PACRGL: variants seen among roughly 807,000 people sequenced by gnomAD.
PACRGL encodes parkin coregulated like.
In PACRGL, 38 loss-of-function variants were observed where a neutral mutation model predicts 34.5. The observed-to-expected ratio is 1.10, with a 90% CI of 0.85 to 1.44. PACRGL has a LOEUF of 1.44. PACRGL is among the 40% of genes most tolerant of loss of function. PACRGL has a pLI of 0.00. For synonymous variants in PACRGL, 128 were observed against 100.1 expected, an observed-to-expected ratio of 1.28 and a Z score of -1.66; for missense variants, 305 against 281.4, an observed-to-expected ratio of 1.08 and a Z score of -0.60.
In PACRGL at chr4:20,728,193, A is replaced by AATTCTATTACAAGTATGTTGTTT. The variant is rs556178032; in HGVS notation, c.*856_*878dup. 149 of 152,234 alleles carry AATTCTATTACAAGTATGTTGTTT rather than the reference A, an allele frequency of 9.8e-4. No individual in the cohort carries two copies. Among genetic ancestry groups the AATTCTATTACAAGTATGTTGTTT allele is most frequent in the African/African-American group, 3.3e-3 (139 of 41,530 alleles). 9.4% of individuals were successfully genotyped at this position (152,234 alleles called of 1,614,324 possible). On this transcript the variant is annotated 3_prime_UTR_variant, in exon 9 of 9. Transcript: ENST00000503585. ...TTAAAAAATTTTTTCTAATTCTGTA[A>AATTCTATTACAAGTATGTTGTTT]ATTCTATTACAAGTATGTTGTTTAT... is the stretch of plus-strand genomic sequence containing the variant.
upstream of PACRGL, among the ~76,000 whole-genome samples, chr4:20,699,045 C>A (rs1731420681): frequency 6.6e-6 from 1 of 152,062 alleles, no homozygotes; most frequent in Non-Finnish European, 1.5e-5. Flanking sequence ...CATTCCTCTG[C>A]GATACTGAAT....
In PACRGL at chr4:20,704,641, A is replaced by G; in HGVS notation, c.53-19A>G. 5.6e-6 allele frequency: 9 copies of G among 1,613,870 alleles called. No homozygotes were observed. The highest frequency in any genetic ancestry group is 5.5e-5 in the South Asian group (5 of 91,066). On this transcript the variant is annotated intron_variant, in intron 2 of 8. Transcript: ENST00000503585. ...TATTGCTTGTACCTGGTTTCTATTGATGTTCTGTTTTTTTCCAGGTAACTA... is the reference window on the plus strand; with the variant it reads ...TATTGCTTGTACCTGGTTTCTATTGGTGTTCTGTTTTTTTCCAGGTAACTA...
At chr4:20,753,457 C>G (rs766905891), downstream of PACRGL, among the ~76,000 whole-genome samples, 1 of 152,094 alleles carries the variant, frequency 6.6e-6, no homozygotes, top group Admixed American at 6.6e-5. Flanking sequence ...CCAATTATAT[C>G]GAGAACACAG....
rs138282582 is a variant in PACRGL, at chr4:20,718,406, G to C, written c.609+4867G>C. ...GTGAGAGAGGGCATCCCTGTCTTGT[G>C]CCAGTTTTCAAAGGGAATGCTTCCA... is the stretch of plus-strand genomic sequence containing the variant. On this transcript the variant is annotated intron_variant, in intron 7 of 8. Coordinates refer to ENST00000503585, the MANE Select transcript of PACRGL (RefSeq NM_001258345.3). Among the ~76,000 whole-genome samples the C allele has an allele frequency of 6.3e-3, 963 of 152,220 alleles. 8 individuals carry two copies. The highest frequency in any genetic ancestry group is 0.022 in the African/African-American group (918 of 41,536).
chr4:20,756,832 T>G (rs1037843218), downstream of PACRGL, among the ~76,000 whole-genome samples: 2 of 152,086 alleles, frequency 1.3e-5, no homozygotes, highest in African/African-American at 4.8e-5. Context: ...TCTGTCTCCT[T>G]TGTTGATCCC....
downstream of PACRGL, chr4:20,734,819 C>CA: frequency 1.5e-6 from 1 of 689,314 alleles, no homozygotes; most frequent in East Asian, 3.0e-5. Flanking sequence ...GTAAGGGCTA[C>CA]AACCCTCTGG....
rs1197576826 is a variant in PACRGL at position 20,731,110 on chromosome 4, C to G, written c.*3769C>G. 1.3e-5 allele frequency among the ~76,000 whole-genome samples: 2 copies of G among 152,128 alleles called. No homozygotes were observed. The highest frequency in any genetic ancestry group is 2.9e-5 in the Non-Finnish European group (2 of 68,006). On this transcript the variant is annotated 3_prime_UTR_variant, in exon 9 of 9. Coordinates refer to ENST00000503585, the MANE Select transcript of PACRGL (RefSeq NM_001258345.3). ...TCTTTTTTTAGTTTTGAGGCAGAGTCTATTTCTGTTGCCCATCATTCTGGA... is the reference window on the plus strand; with the variant it reads ...TCTTTTTTTAGTTTTGAGGCAGAGTGTATTTCTGTTGCCCATCATTCTGGA...
chr4:20,716,018 C>G, intron 7 of PACRGL: 4 of 1,280,398 alleles, frequency 3.1e-6, no homozygotes, highest in Non-Finnish European at 4.2e-6. Flanking sequence ...TTTTTCATTG[C>G]GATGTTTTAG....
the PACRGL span, among the ~76,000 whole-genome samples, chr4:20,764,451 G>C: frequency 6.6e-6 from 1 of 151,954 alleles, no homozygotes; most frequent in Non-Finnish European, 1.5e-5. Context: ...TAGGAATAAT[G>C]ATGTAATTAA....
chr4:20,735,571 C>T (rs372617303), downstream of PACRGL, among the ~76,000 whole-genome samples: 331 of 144,214 alleles, frequency 2.3e-3, 8 homozygotes, highest in South Asian at 0.044. Context: ...GCACTGTTGC[C>T]CAGGCTGGAG....
At chr4:20,758,799 A>T in the PACRGL span, 12 of 1,586,540 alleles carry the variant, frequency 7.6e-6, no homozygotes, top group South Asian at 1.2e-4. Flanking sequence ...TAGTATGTTA[A>T]CAAGTCCACA....
chr4:20,740,946 A>G (rs918853130), intron 8 of PACRGL, among the ~76,000 whole-genome samples: 3 of 152,216 alleles, frequency 2.0e-5, no homozygotes, highest in Non-Finnish European at 4.4e-5. Flanking sequence ...AACAGACATT[A>G]AACCAACAAA....
intron 8 of PACRGL, among the ~76,000 whole-genome samples, chr4:20,726,978 G>C (rs552367671): frequency 6.6e-6 from 1 of 152,182 alleles, no homozygotes; most frequent in Admixed American, 6.6e-5. Context: ...TCCCTCTAAA[G>C]ATCACGGAAC....
At chr4:20,766,095 A>G in the PACRGL span, among the ~76,000 whole-genome samples, 1 of 152,194 alleles carries the variant, frequency 6.6e-6, no homozygotes. Context: ...AGCACTTTTT[A>G]TGTTCCAACC....
At position 20,731,078 on chromosome 4, in the gene PACRGL, CT is replaced by C. The variant is rs1236408360; in HGVS notation, c.*3744del. ...TGTTTTCAGGATTATTTGAAAAATTCTTTTTTTCTTTTTTTAGTTTTGAGGC... is the reference window on the plus strand; with the variant it reads ...TGTTTTCAGGATTATTTGAAAAATTCTTTTTTCTTTTTTTAGTTTTGAGGC... On this transcript the variant is annotated 3_prime_UTR_variant, in exon 9 of 9. Transcript: ENST00000503585. 1.3e-5 allele frequency among the ~76,000 whole-genome samples: 2 copies of C among 152,046 alleles called. No homozygotes were observed. Among genetic ancestry groups the C allele is most frequent in the Non-Finnish European group, 2.9e-5 (2 of 67,996 alleles).
Position 20,727,376 on chromosome 4 carries a change from G to T in PACRGL, c.*35G>T. 1 of 1,532,042 alleles carries T rather than the reference G, an allele frequency of 6.5e-7. No individual in the cohort carries two copies. Among genetic ancestry groups the T allele is most frequent in the Non-Finnish European group, 9.0e-7 (1 of 1,106,052 alleles). 94.9% of individuals were successfully genotyped at this position (1,532,042 alleles called of 1,614,324 possible). ...CCAACAAAAATTGTTTTTTCTACCT[G>T]TTGACGTGTCAAGCACTAACTGTGG... is the stretch of plus-strand genomic sequence containing the variant. On this transcript the variant is annotated 3_prime_UTR_variant, in exon 9 of 9. Transcript: ENST00000503585.
intron 8 of PACRGL, among the ~76,000 whole-genome samples, chr4:20,737,775 T>C (rs1750001073): frequency 6.6e-6 from 1 of 152,222 alleles, no homozygotes; most frequent in African/African-American, 2.4e-5. Context: ...AAATTATTTA[T>C]GACATAGAAT....
At chr4:20,724,040 C>A (rs1394202259) in intron 7 of PACRGL, among the ~76,000 whole-genome samples, 1 of 152,138 alleles carries the variant, frequency 6.6e-6, no homozygotes. Flanking sequence ...GGGTATTATT[C>A]TTCTAGAAAA....
chr4:20,708,675 A>G (rs954337201), intron 4 of PACRGL, among the ~76,000 whole-genome samples: 1 of 152,188 alleles, frequency 6.6e-6, no homozygotes, highest in Non-Finnish European at 1.5e-5. Context: ...ACTCTTATGA[A>G]AATAAGCCCA....
Sources: gnomAD v4.1 joint callset for allele counts (sites outside exome capture counted in the v4.1 genomes callset) on GRCh38, gnomAD v4.1.1 for gene constraint, MANE v1.5 for transcripts, NCBI Gene and HGNC (gene_info 2026-07-23, HGNC 2026-07-21) for gene names.